USP6NL: variants seen among roughly 807,000 people sequenced by gnomAD.
USP6NL encodes the protein USP6 N-terminal-like protein.
In USP6NL, 26 loss-of-function variants were observed where a neutral mutation model predicts 61.9. That is an observed-to-expected ratio of 0.42 (90% confidence interval 0.31 to 0.58). The LOEUF (loss-of-function observed/expected upper bound fraction) is 0.58. Ranked by LOEUF, USP6NL falls within the 20% of genes least tolerant of loss-of-function variation. USP6NL has a pLI of 0.16. For synonymous variants in USP6NL, 432 were observed against 390.1 expected, an observed-to-expected ratio of 1.11 and a Z score of -1.27; for missense variants, 1,114 against 1,034.3, an observed-to-expected ratio of 1.08 and a Z score of -1.06.
intron 1 of USP6NL, among the ~76,000 whole-genome samples, chr10:11,606,370 G>A (rs1318324041): frequency 6.6e-6 from 1 of 152,142 alleles, no homozygotes; most frequent in Non-Finnish European, 1.5e-5. Context: ...TAGGCAGAAA[G>A]ATAATTATTC....
At position 11,597,696 on chromosome 10, in the gene USP6NL, G is replaced by C. The variant is rs546509082; in HGVS notation, c.-62C>G. On this transcript the variant is annotated 5_prime_UTR_variant, in exon 2 of 15. Transcript: ENST00000609104. The surrounding 1 kb of genome is among the most constrained non-coding windows in gnomAD (Gnocchi z 4.6). ...ATTAAACCAAAATCTGCTGTCCAAG[G>C]TTTCTCAGAGGAATACATGTCCTAG... 2 of 1,395,854 alleles carry C rather than the reference G, an allele frequency of 1.4e-6. No homozygotes were observed. The highest frequency in any genetic ancestry group is 1.4e-5 in the African/African-American group (1 of 70,008). 86.5% of individuals were successfully genotyped at this position (1,395,854 alleles called of 1,614,324 possible).
chr10:11,602,842 A>G lies in USP6NL; in HGVS notation c.-83-5125T>C, dbSNP rs1318833318. Among the ~76,000 whole-genome samples the G allele has an allele frequency of 3.9e-5, 6 of 152,232 alleles. No individual in the cohort carries two copies. Among genetic ancestry groups the G allele is most frequent in the African/African-American group, 1.4e-4 (6 of 41,472 alleles). ...AGGTAAGAGATACTCAACCTGTCAT[A>G]TCTTCTCATTAGAAATTATTTCAGT... On this transcript the variant is annotated intron_variant, in intron 1 of 14. Transcript: ENST00000609104. The surrounding 1 kb of genome is among the most constrained non-coding windows in gnomAD (Gnocchi z 4.8).
rs781722659 is a variant in USP6NL, at chr10:11,595,034, C to T, written c.4+2597G>A. Among the ~76,000 whole-genome samples the T allele has an allele frequency of 9.2e-5, 14 of 152,172 alleles. No homozygotes were observed. The highest frequency in any genetic ancestry group is 1.5e-4 in the Non-Finnish European group (10 of 68,018). ...GGGTGACAGGCAGTGGCTCTAGGAA[C>T]TAGCAGACTACTCAGAAGCTGATTT... On this transcript the variant is annotated intron_variant, in intron 2 of 14. Coordinates refer to ENST00000609104, the MANE Select transcript of USP6NL (RefSeq NM_014688.5). This position sits in a 1 kb window ranked among gnomAD's most constrained non-coding sequence, Gnocchi z 5.3.
rs1405036229 is a variant in USP6NL at position 11,511,744 on chromosome 10, C to CACACAT, written c.196-2075_196-2070dup. 6.6e-6 allele frequency among the ~76,000 whole-genome samples: 1 copy of CACACAT among 151,960 alleles called. No homozygotes were observed. The highest frequency in any genetic ancestry group is 2.4e-5 in the African/African-American group (1 of 41,368). ...ATTCCCACGCTGCAAGAACAAAACA[C>CACACAT]ACACATACACATACAAAAAAAATTA... On this transcript the variant is annotated intron_variant, in intron 5 of 14. Coordinates refer to ENST00000609104, the MANE Select transcript of USP6NL (RefSeq NM_014688.5). The surrounding 1 kb of genome is among the most constrained non-coding windows in gnomAD (Gnocchi z 4.9).
rs939021378 is a variant in USP6NL, at chr10:11,580,571, T to C, written c.4+17060A>G. On this transcript the variant is annotated intron_variant, in intron 2 of 14. Transcript: ENST00000609104. ...AAAAAATTGCATTCTAGACAAGTGA[T>C]TGTCAATCTGCAGTGAAATCACCTG... Among the ~76,000 whole-genome samples the C allele has an allele frequency of 1.1e-4, 17 of 152,274 alleles. No homozygotes were observed. In the East Asian group the frequency reaches 2.9e-3, roughly 26 times the overall value.
intron 10 of USP6NL, among the ~76,000 whole-genome samples, chr10:11,488,808 T>C (rs1436370046): frequency 1.3e-5 from 2 of 152,220 alleles, no homozygotes; most frequent in African/African-American, 2.4e-5. Flanking sequence ...ATATACCTGT[T>C]CTTAAATTCC....
rs1024280854 is a variant in USP6NL, at chr10:11,520,416, G to A, written c.156-1842C>T. Among the ~76,000 whole-genome samples the A allele has an allele frequency of 7.2e-5, 11 of 152,096 alleles. No individual in the cohort carries two copies. Among genetic ancestry groups the A allele is most frequent in the South Asian group, 4.2e-4 (2 of 4,818 alleles). On this transcript the variant is annotated intron_variant, in intron 4 of 14. Transcript: ENST00000609104. The surrounding 1 kb of genome is among the most constrained non-coding windows in gnomAD (Gnocchi z 5.2). ...CTTTTCCCCCTCAAGTCTCTGTGCC[G>A]GCATATGCTTAAATTTCACACCCTT...
intron 14 of USP6NL, among the ~76,000 whole-genome samples, chr10:11,479,791 G>A (rs1833123189): frequency 6.6e-6 from 1 of 152,050 alleles, no homozygotes. Context: ...TAGCCAGGAT[G>A]GTCTCGGTCT....
Position 11,485,789 on chromosome 10 carries a change from G to A in USP6NL, c.759+28C>T. The stretch of plus-strand genomic sequence containing the variant: ...GCTTTTTTTGGGGGGTGGGTAGGTG[G>A]GTGTAAGTCAGTGGCACATCTACCT... On this transcript the variant is annotated intron_variant, in intron 11 of 14. Coordinates refer to ENST00000609104, the MANE Select transcript of USP6NL (RefSeq NM_014688.5). This position sits in a 1 kb window ranked among gnomAD's most constrained non-coding sequence, Gnocchi z 4.8. 2 of 1,460,404 alleles carry A rather than the reference G, an allele frequency of 1.4e-6. No homozygotes were observed. Among genetic ancestry groups the A allele is most frequent in the East Asian group, 2.5e-5 (1 of 39,778 alleles). 90.5% of individuals were successfully genotyped at this position (1,460,404 alleles called of 1,614,324 possible). A position where few individuals can be genotyped will look rare whatever the true frequency, so the allele number is the denominator to read the frequency against.
intron 7 of USP6NL, among the ~76,000 whole-genome samples, chr10:11,498,747 A>G (rs187801291): frequency 2.0e-5 from 3 of 152,104 alleles, no homozygotes; most frequent in Non-Finnish European, 4.4e-5. Flanking sequence ...GGTCTTTGCA[A>G]TGTGCTTTGA....
intron 6 of USP6NL, among the ~76,000 whole-genome samples, chr10:11,507,104 A>G (rs1268899869): frequency 1.3e-5 from 2 of 152,264 alleles, no homozygotes; most frequent in Non-Finnish European, 2.9e-5. Flanking sequence ...GAACTGCATT[A>G]GCCAGAGTTG....
intron 5 of USP6NL, among the ~76,000 whole-genome samples, chr10:11,514,300 C>A (rs5027323): frequency 7.5e-6 from 1 of 132,452 alleles, no homozygotes; most frequent in African/African-American, 2.9e-5. Context: ...CACTGATGAT[C>A]CCTACCTGAA....
chr10:11,532,279 C>G lies in USP6NL; in HGVS notation c.5-4712G>C. 1 of 1,530,454 alleles carries G rather than the reference C, an allele frequency of 6.5e-7. No homozygotes were observed. The highest frequency in any genetic ancestry group is 8.8e-7 in the Non-Finnish European group (1 of 1,131,182). The allele number at this position is 1,530,454 out of a possible 1,614,324, so 94.8% of individuals were successfully genotyped here. A position where few individuals can be genotyped will look rare whatever the true frequency, so the allele number is the denominator to read the frequency against. ...GATTTCATTATTATTTTATAGTTCT[C>G]GAACACACCAAGAGTGCTGCCCGGC... is the stretch of plus-strand genomic sequence containing the variant. On this transcript the variant is annotated intron_variant, in intron 2 of 14. Transcript: ENST00000609104. This position sits in a 1 kb window ranked among gnomAD's most constrained non-coding sequence, Gnocchi z 4.1.
At chr10:11,524,776 T>C (rs1835351830) in intron 4 of USP6NL, among the ~76,000 whole-genome samples, 1 of 152,116 alleles carries the variant, frequency 6.6e-6, no homozygotes. Flanking sequence ...TGAATAGAAG[T>C]CTCTAGCCTG....
At position 11,602,008 on chromosome 10, in the gene USP6NL, A is replaced by G. The variant is rs1838548198; in HGVS notation, c.-83-4291T>C. Reference sequence around the variant, plus strand: ...AAAAAAGAAAGAAAAAAAAAGAAGAAAATGTCCTTCATTGATGTATTATTT... The same window carrying G: ...AAAAAAGAAAGAAAAAAAAAGAAGAGAATGTCCTTCATTGATGTATTATTT... On this transcript the variant is annotated intron_variant, in intron 1 of 14. Transcript: ENST00000609104. This position sits in a 1 kb window ranked among gnomAD's most constrained non-coding sequence, Gnocchi z 4.8. Among the ~76,000 whole-genome samples the G allele has an allele frequency of 6.6e-6, 1 of 152,214 alleles. No homozygotes were observed. The highest frequency in any genetic ancestry group is 6.5e-5 in the Admixed American group (1 of 15,276).
At position 11,485,036 on chromosome 10, in the gene USP6NL, A is replaced by C; in HGVS notation, c.860T>G (p.Ile287Ser). ...PFTLNLRIWD[I>S]YIFEGERVLT... Reference sequence around the variant, plus strand: ...AACTCGTTCTCCTTCAAAGATGTAGATATCCCATATTCTGAGGTTTAGTGT... The same window carrying C: ...AACTCGTTCTCCTTCAAAGATGTAGCTATCCCATATTCTGAGGTTTAGTGT... The change falls in exon 13 of 15, where the codon ATC (isoleucine) becomes AGC (serine). Residue 287 changes from isoleucine to serine, a missense_variant. Transcript: ENST00000609104. This position sits in a 1 kb window ranked among gnomAD's most constrained non-coding sequence, Gnocchi z 4.8. The C allele has an allele frequency of 1.3e-6, 2 of 1,551,430 alleles. No individual in the cohort carries two copies. Among genetic ancestry groups the C allele is most frequent in the South Asian group, 2.4e-5 (2 of 83,704 alleles).
chr10:11,603,738 T>C (rs1838625601), intron 1 of USP6NL, among the ~76,000 whole-genome samples: 1 of 152,164 alleles, frequency 6.6e-6, no homozygotes, highest in Admixed American at 6.5e-5. Context: ...CAAGACAAGC[T>C]TGGTTCCAGC....
intron 2 of USP6NL, among the ~76,000 whole-genome samples, chr10:11,545,980 C>T (rs927706594): frequency 6.6e-6 from 1 of 152,222 alleles, no homozygotes; most frequent in Non-Finnish European, 1.5e-5. Flanking sequence ...TACTGACAAA[C>T]AGCTTACATT....
At chr10:11,512,626 G>A (rs1296513796) in intron 5 of USP6NL, among the ~76,000 whole-genome samples, 1 of 152,164 alleles carries the variant, frequency 6.6e-6, no homozygotes, top group Non-Finnish European at 1.5e-5. Context: ...TGCTACTTCT[G>A]TGATCTGGCC....
Sources: allele counts gnomAD v4.1 joint callset (sites outside exome capture counted in the v4.1 genomes callset), GRCh38; gene constraint gnomAD v4.1.1; non-coding constraint Gnocchi (gnomAD v3.1); transcripts MANE v1.5; gene names NCBI Gene and HGNC (gene_info 2026-07-23, HGNC 2026-07-21).